STARD13: variants seen among roughly 807,000 people sequenced by gnomAD.
STARD13 encodes StAR related lipid transfer domain containing 13, also known as stAR-related lipid transfer protein 13.
STARD13 carries 62 observed loss-of-function variants against 106.4 expected under a neutral mutation model. That is an observed-to-expected ratio of 0.58 (90% CI 0.48 to 0.72). STARD13 has a LOEUF of 0.72. Among genes scored for constraint, STARD13 ranks in the 30% least tolerant of loss-of-function variants. The pLI, the probability that STARD13 is intolerant of heterozygous loss-of-function variation, is 0.00. For missense variants in STARD13, 1,387 were observed against 1,424.0 expected (o/e 0.97, Z 0.42); for synonymous variants, 565 against 553.0 (o/e 1.02, Z -0.31).
chr13:33,130,382 C>T lies in STARD13; in HGVS notation c.388-93G>A. On this transcript the variant is annotated intron_variant, in intron 4 of 13. Transcript: ENST00000336934. The surrounding 1 kb of genome is among the most constrained non-coding windows in gnomAD (Gnocchi z 4.1). ...GAGGGCAGCCCTGTGTGGTCCTCCA[C>T]CTCCCTCCCCTCTGTCCTCCCATGC... 1.7e-6 allele frequency: 2 copies of T among 1,205,080 alleles called. No homozygotes were observed. The allele number at this position is 1,205,080 out of a possible 1,614,324, so 74.6% of individuals were successfully genotyped here. A position where few individuals can be genotyped will look rare whatever the true frequency, so the allele number is the denominator to read the frequency against.
chr13:33,627,234 G>C, the STARD13 span, among the ~76,000 whole-genome samples: 1 of 152,200 alleles, frequency 6.6e-6, no homozygotes, highest in South Asian at 2.1e-4. Context: ...CATTATGTAA[G>C]TAGTTACTAT....
chr13:33,183,019 A>G (rs1431573470), intron 1 of STARD13, among the ~76,000 whole-genome samples: 2 of 152,144 alleles, frequency 1.3e-5, no homozygotes, highest in African/African-American at 4.8e-5. Context: ...TTTCCTCTCC[A>G]TCTGTCACAT....
the STARD13 span, among the ~76,000 whole-genome samples, chr13:33,395,578 TG>T: frequency 6.6e-6 from 1 of 152,158 alleles, no homozygotes; most frequent in Non-Finnish European, 1.5e-5. Flanking sequence ...TGGTTGATTT[TG>T]GAAAAAAGAC....
chr13:33,308,218 C>T (rs1023863060), intron 1 of STARD13, among the ~76,000 whole-genome samples: 20 of 152,164 alleles, frequency 1.3e-4, no homozygotes, highest in Non-Finnish European at 2.9e-4. Context: ...TCCCAATTAG[C>T]TGTTGCTTAT....
intron 1 of STARD13, among the ~76,000 whole-genome samples, chr13:33,296,288 G>C (rs190999587): frequency 9.2e-5 from 14 of 151,670 alleles, no homozygotes; most frequent in African/African-American, 3.1e-4. Flanking sequence ...ATGGTGATGC[G>C]TGTGTTAATT....
chr13:33,211,656 C>T (rs1887723302), intron 1 of STARD13, among the ~76,000 whole-genome samples: 1 of 152,172 alleles, frequency 6.6e-6, no homozygotes, highest in African/African-American at 2.4e-5. Flanking sequence ...GCTATGTACA[C>T]AGTTGTTCTA....
chr13:33,284,759 G>T (rs1185503041), intron 1 of STARD13, among the ~76,000 whole-genome samples: 1 of 151,312 alleles, frequency 6.6e-6, no homozygotes, highest in Non-Finnish European at 1.5e-5. Flanking sequence ...GTAAATTTTA[G>T]TAATGTCCAG....
At chr13:33,235,696 G>A (rs1003057967) in intron 1 of STARD13, among the ~76,000 whole-genome samples, 38 of 152,198 alleles carry the variant, frequency 2.5e-4, no homozygotes, top group African/African-American at 9.2e-4. Context: ...AGGAGCCAAG[G>A]AAGTCTGGAA....
chr13:33,300,773 C>T (rs1279653397), intron 1 of STARD13, among the ~76,000 whole-genome samples: 1 of 152,180 alleles, frequency 6.6e-6, no homozygotes, highest in African/African-American at 2.4e-5. Flanking sequence ...CCATTTAAAT[C>T]AACCTTTTAA....
At chr13:33,351,245 A>T (rs533625344), upstream of STARD13, among the ~76,000 whole-genome samples, 13 of 152,364 alleles carry the variant, frequency 8.5e-5, no homozygotes, top group African/African-American at 3.1e-4. Flanking sequence ...TAAGGAACCT[A>T]CCTAAAATAG....
chr13:33,424,339 G>T, the STARD13 span, among the ~76,000 whole-genome samples: 3 of 152,136 alleles, frequency 2.0e-5, no homozygotes, highest in Non-Finnish European at 4.4e-5. Context: ...TGGAATTTGG[G>T]CTGGTCTCAA....
intron 1 of STARD13, among the ~76,000 whole-genome samples, chr13:33,341,709 A>G (rs1246845482): frequency 6.6e-6 from 1 of 152,076 alleles, no homozygotes; most frequent in African/African-American, 2.4e-5. Context: ...TTTCCAATTC[A>G]AGGAGGACGC....
intron 3 of STARD13, among the ~76,000 whole-genome samples, chr13:33,156,216 T>G (rs1881968167): frequency 6.6e-6 from 1 of 152,158 alleles, no homozygotes; most frequent in African/African-American, 2.4e-5. Flanking sequence ...GAAAACCCAT[T>G]CCCTTAGTAT....
intron 1 of STARD13, among the ~76,000 whole-genome samples, chr13:33,349,420 A>G (rs1228049036): frequency 6.6e-6 from 1 of 152,192 alleles, no homozygotes; most frequent in Non-Finnish European, 1.5e-5. Context: ...TGAGGCAGTG[A>G]CTAAAGTGTC....
chr13:33,441,511 TA>T, the STARD13 span, among the ~76,000 whole-genome samples: 5 of 152,110 alleles, frequency 3.3e-5, no homozygotes, highest in Non-Finnish European at 7.4e-5. Context: ...TCCTCATCAG[TA>T]AAATGGGGTT....
intron 1 of STARD13, among the ~76,000 whole-genome samples, chr13:33,254,347 G>C (rs1352052406): frequency 6.6e-6 from 1 of 152,224 alleles, no homozygotes; most frequent in Non-Finnish European, 1.5e-5. Context: ...ACCTTTACAG[G>C]CTCTGTGAGA....
intron 1 of STARD13, among the ~76,000 whole-genome samples, chr13:33,231,953 C>T (rs1888946956): frequency 1.3e-5 from 2 of 152,140 alleles, no homozygotes; most frequent in Admixed American, 6.5e-5. Context: ...TGCATGTAAC[C>T]GAGCACATCC....
At chr13:33,409,849 C>T in the STARD13 span, among the ~76,000 whole-genome samples, 2 of 152,220 alleles carry the variant, frequency 1.3e-5, no homozygotes, top group Non-Finnish European at 2.9e-5. Context: ...AGTGCAAATA[C>T]CTTACCAAGA....
chr13:33,265,048 G>A (rs147225438), intron 1 of STARD13, among the ~76,000 whole-genome samples: 155 of 152,262 alleles, frequency 1.0e-3, no homozygotes, highest in African/African-American at 3.3e-3. Flanking sequence ...GATCATTTGC[G>A]CATTTTCAGA....
Sources: gnomAD v4.1 joint callset for allele counts (sites outside exome capture counted in the v4.1 genomes callset) on GRCh38, gnomAD v4.1.1 for gene constraint, Gnocchi (gnomAD v3.1) non-coding constraint, MANE v1.5 for transcripts, NCBI Gene and HGNC (gene_info 2026-07-23, HGNC 2026-07-21) for gene names.